FGF12: variants seen among roughly 807,000 people sequenced by gnomAD.
FGF12 encodes fibroblast growth factor 12, also known as fibroblast growth factor 12B.
Under a neutral mutation model 23.6 loss-of-function variants are expected in FGF12, and 14 were observed. That is an observed-to-expected ratio of 0.59 (90% CI 0.39 to 0.93). The LOEUF (loss-of-function observed/expected upper bound fraction) is 0.93, where lower values mean the gene tolerates loss of function less well. Ranked by LOEUF, FGF12 falls within the 40% of genes least tolerant of loss-of-function variation. The probability of loss-of-function intolerance (pLI) is 0.00; values close to 1 mark genes in which losing one functional copy is unlikely to be tolerated. For missense variants in FGF12, 175 were observed against 217.8 expected (o/e 0.80, Z 1.24); for synonymous variants, 62 against 77.3 (o/e 0.80, Z 1.04).
intron 2 of FGF12, among the ~76,000 whole-genome samples, chr3:192,398,014 G>A (rs1720598882): frequency 6.6e-6 from 1 of 151,584 alleles, no homozygotes; most frequent in African/African-American, 2.4e-5. Context: ...AACTTATCCG[G>A]GTTTATAGTT....
At chr3:192,475,302 T>C (rs761897908) in intron 2 of FGF12, among the ~76,000 whole-genome samples, 4 of 152,214 alleles carry the variant, frequency 2.6e-5, no homozygotes, top group Non-Finnish European at 5.9e-5. Context: ...AAGGATAGGT[T>C]GTTCCTGAGC....
intron 4 of FGF12, among the ~76,000 whole-genome samples, chr3:192,258,020 TTAA>T (rs1712511893): frequency 8.3e-6 from 1 of 120,782 alleles, no homozygotes; most frequent in Non-Finnish European, 1.7e-5. Flanking sequence ...GTGGTAAAAT[TTAA>T]AAAAAAAAAA....
intron 2 of FGF12, among the ~76,000 whole-genome samples, chr3:192,697,224 A>T (rs1246407017): frequency 6.6e-6 from 1 of 152,206 alleles, no homozygotes; most frequent in Non-Finnish European, 1.5e-5. Flanking sequence ...ACCTTGTAGA[A>T]AAACACACAG....
chr3:192,291,172 T>C (rs555127497), intron 4 of FGF12, among the ~76,000 whole-genome samples: 12 of 152,326 alleles, frequency 7.9e-5, no homozygotes, highest in African/African-American at 2.6e-4. Flanking sequence ...GAGAGCTTCT[T>C]GTATACGAAG....
chr3:192,450,347 G>A (rs2108801313), intron 2 of FGF12, among the ~76,000 whole-genome samples: 1 of 152,274 alleles, frequency 6.6e-6, no homozygotes, highest in African/African-American at 2.4e-5. Flanking sequence ...CACAGAAATA[G>A]GTCTGCAGAT....
chr3:192,433,766 T>A (rs756467015), intron 2 of FGF12, among the ~76,000 whole-genome samples: 4 of 152,238 alleles, frequency 2.6e-5, no homozygotes, highest in Non-Finnish European at 4.4e-5. Flanking sequence ...ACATATGAGC[T>A]AAGAAACGTG....
At chr3:192,310,160 C>T (rs77033616) in intron 4 of FGF12, among the ~76,000 whole-genome samples, 3,047 of 152,184 alleles carry the variant, frequency 0.02, 46 homozygotes, top group Non-Finnish European at 0.031. Flanking sequence ...GAGCTACAAC[C>T]TGGATTAACA....
intron 2 of FGF12, among the ~76,000 whole-genome samples, chr3:192,394,140 GT>G (rs1474298878): frequency 6.7e-6 from 1 of 148,522 alleles, no homozygotes; most frequent in Non-Finnish European, 1.5e-5. Context: ...TTTAAAAATT[GT>G]TTTATTATCT....
In FGF12 at chr3:192,514,843, G is replaced by A; in HGVS notation, c.14-154305C>T. On this transcript the variant is annotated intron_variant, in intron 2 of 5. Coordinates refer to ENST00000445105, the MANE Select transcript of FGF12 (RefSeq NM_004113.6). The surrounding 1 kb of genome is among the most constrained non-coding windows in gnomAD (Gnocchi z 4.9). ...ACAGGCGGCCTGTCTTCGGAAGCCG[G>A]GTCCCGAGTCCATCGCGCGCGCCCA... 1 of 985,340 alleles carries A rather than the reference G, an allele frequency of 1.0e-6. No homozygotes were observed. Among genetic ancestry groups the A allele is most frequent in the Non-Finnish European group, 1.2e-6 (1 of 829,896 alleles). The allele number at this position is 985,340 out of a possible 1,614,324, so 61.0% of individuals were successfully genotyped here.
rs148416965 is a variant in FGF12 at position 192,378,266 on chromosome 3, A to G, written c.14-17728T>C. ...GCTGGGACTACAGGCGTGTGCTATC[A>G]TGCCTAGCTAATTTTTGTATTTTTG... On this transcript the variant is annotated intron_variant, in intron 2 of 5. Coordinates refer to ENST00000445105, the MANE Select transcript of FGF12 (RefSeq NM_004113.6). Among the ~76,000 whole-genome samples, 765 of 149,244 alleles carry G rather than the reference A, an allele frequency of 5.1e-3. 55 individuals carry two copies. The highest frequency in any genetic ancestry group is 0.018 in the African/African-American group (715 of 38,988).
intron 2 of FGF12, among the ~76,000 whole-genome samples, chr3:192,466,881 C>G (rs1723026548): frequency 1.3e-5 from 2 of 152,072 alleles, no homozygotes; most frequent in South Asian, 4.1e-4. Flanking sequence ...TGTAGACAGA[C>G]ATTTATACCA....
chr3:192,725,870 T>A (rs1462068018), intron 2 of FGF12, among the ~76,000 whole-genome samples: 1 of 152,232 alleles, frequency 6.6e-6, no homozygotes, highest in Non-Finnish European at 1.5e-5. Context: ...TAATAATATA[T>A]GCCTCAAATA....
intron 4 of FGF12, among the ~76,000 whole-genome samples, chr3:192,298,149 A>G (rs1324147144): frequency 2.0e-5 from 3 of 152,230 alleles, no homozygotes; most frequent in African/African-American, 2.4e-5. Flanking sequence ...TCATTAACTC[A>G]TATCTTTATT....
chr3:192,311,828 T>C (rs1715953923), intron 4 of FGF12, among the ~76,000 whole-genome samples: 1 of 152,166 alleles, frequency 6.6e-6, no homozygotes, highest in Admixed American at 6.5e-5. Flanking sequence ...TAATATAGCC[T>C]TTGCAGCGGG....
chr3:192,605,896 GGGAAT>G (rs1266028882), intron 2 of FGF12, among the ~76,000 whole-genome samples: 10 of 152,166 alleles, frequency 6.6e-5, no homozygotes, highest in African/African-American at 2.4e-4. Flanking sequence ...GTAGAGAAAA[GGGAAT>G]GCTTATAAAC....
chr3:192,322,201 A>T lies in FGF12; in HGVS notation c.228+13160T>A, dbSNP rs185608325. Among the ~76,000 whole-genome samples, 389 of 152,218 alleles carry T rather than the reference A, an allele frequency of 2.6e-3. 4 individuals carry two copies. Among genetic ancestry groups the T allele is most frequent in the African/African-American group, 8.7e-3 (360 of 41,546 alleles). On this transcript the variant is annotated intron_variant, in intron 4 of 5. Transcript: ENST00000445105. ...AGTGAACAATCAGAAAAAGAAATTT[A>T]AAAAAATCAATTTACAATAGCAACA...
At chr3:192,305,213 C>T (rs1270913381) in intron 4 of FGF12, among the ~76,000 whole-genome samples, 1 of 152,144 alleles carries the variant, frequency 6.6e-6, no homozygotes, top group Non-Finnish European at 1.5e-5. Context: ...CAGTATAACA[C>T]TGTTTCTCAT....
intron 2 of FGF12, among the ~76,000 whole-genome samples, chr3:192,485,972 T>G (rs887234530): frequency 6.6e-6 from 1 of 152,174 alleles, no homozygotes; most frequent in Admixed American, 6.6e-5. Context: ...TTATGCCATA[T>G]ACGTGCATAT....
chr3:192,547,043 C>T (rs920558363), intron 2 of FGF12, among the ~76,000 whole-genome samples: 3 of 151,976 alleles, frequency 2.0e-5, no homozygotes, highest in Admixed American at 6.5e-5. Flanking sequence ...AGAGTGAGAC[C>T]CGGTCTCAAA....
Sources: gnomAD v4.1 joint callset for allele counts (sites outside exome capture counted in the v4.1 genomes callset) on GRCh38, gnomAD v4.1.1 for gene constraint, Gnocchi (gnomAD v3.1) non-coding constraint, MANE v1.5 for transcripts, NCBI Gene and HGNC (gene_info 2026-07-23, HGNC 2026-07-21) for gene names.